The following MARCHF1 variants were observed in gnomAD, a reference collection of about 807,000 sequenced individuals.
The protein encoded by MARCHF1 is E3 ubiquitin-protein ligase MARCHF1.
Under a neutral mutation model 54.2 loss-of-function variants are expected in MARCHF1, and 40 were observed. The ratio of observed to expected loss-of-function variants is 0.74; its 90% CI spans 0.57 to 0.96. The LOEUF (loss-of-function observed/expected upper bound fraction) is 0.96, where lower values mean the gene tolerates loss of function less well. Among genes scored for constraint, MARCHF1 ranks in the 40% least tolerant of loss-of-function variants. The pLI is 0.00. For missense variants in MARCHF1, 586 were observed against 656.5 expected (o/e 0.89, Z 1.17); for synonymous variants, 236 against 236.3 (o/e 1.00, Z 0.01).
chr4:164,141,505 C>T (rs927026802), intron 1 of MARCHF1, among the ~76,000 whole-genome samples: 2 of 152,194 alleles, frequency 1.3e-5, no homozygotes, highest in Non-Finnish European at 2.9e-5. Context: ...CTAGCTATTC[C>T]TTGGTCTATC....
chr4:163,595,339 T>C (rs28785341), intron 7 of MARCHF1, among the ~76,000 whole-genome samples: 2,029 of 141,412 alleles, frequency 0.014, 41 homozygotes, highest in African/African-American at 0.05. Flanking sequence ...TGAGACCCTG[T>C]CTTCACTAAA....
At chr4:164,208,968 CTCTCTCTCTCACTT>C (rs1191002939) in intron 1 of MARCHF1, among the ~76,000 whole-genome samples, 2 of 151,422 alleles carry the variant, frequency 1.3e-5, no homozygotes, top group Non-Finnish European at 2.9e-5. Context: ...GTCTGTCTCT[CTCTCTCTCTCACTT>C]TCTCTCTCTA....
intron 1 of MARCHF1, among the ~76,000 whole-genome samples, chr4:164,128,912 G>C (rs376251251): frequency 1.3e-5 from 2 of 152,116 alleles, no homozygotes; most frequent in African/African-American, 4.8e-5. Flanking sequence ...AACACCCCAA[G>C]AGGTAGGCTC....
At chr4:163,530,381 A>G (rs1439158855) in intron 9 of MARCHF1, 1 of 152,020 alleles carries the variant, frequency 6.6e-6, no homozygotes, top group Non-Finnish European at 1.5e-5. Flanking sequence ...TCCATGAACA[A>G]ATTAATGCAA....
intron 4 of MARCHF1, among the ~76,000 whole-genome samples, chr4:163,749,162 T>A (rs1746446600): frequency 6.6e-6 from 1 of 152,148 alleles, no homozygotes; most frequent in South Asian, 2.1e-4. Context: ...ATTTTAATGC[T>A]ATTGTAAGTG....
chr4:163,670,481 G>A (rs1194009752), intron 5 of MARCHF1, among the ~76,000 whole-genome samples: 1 of 151,238 alleles, frequency 6.6e-6, no homozygotes. Context: ...TCCCTCAATT[G>A]CACTTTCATT....
intron 4 of MARCHF1, among the ~76,000 whole-genome samples, chr4:163,720,930 T>C (rs1264741060): frequency 6.6e-6 from 1 of 152,246 alleles, no homozygotes; most frequent in African/African-American, 2.4e-5. Flanking sequence ...GATTTTGGGC[T>C]GAGACGATGG....
chr4:163,607,103 G>C (rs566283569), intron 7 of MARCHF1, among the ~76,000 whole-genome samples: 2 of 152,070 alleles, frequency 1.3e-5, no homozygotes, highest in Admixed American at 6.6e-5. Context: ...GAGAGTGAGA[G>C]AACCACATTG....
intron 2 of MARCHF1, among the ~76,000 whole-genome samples, chr4:164,011,852 A>T (rs1753427614): frequency 6.6e-6 from 1 of 152,284 alleles, no homozygotes; most frequent in Non-Finnish European, 1.5e-5. Flanking sequence ...CATTGCCTAC[A>T]CCTCACCTAC....
intron 1 of MARCHF1, among the ~76,000 whole-genome samples, chr4:164,148,584 A>T (rs1366776336): frequency 6.6e-6 from 1 of 152,068 alleles, no homozygotes; most frequent in Non-Finnish European, 1.5e-5. Context: ...TGTTTGAGCC[A>T]TTGACTGAAG....
At chr4:163,833,366 T>C (rs1032250392) in intron 4 of MARCHF1, among the ~76,000 whole-genome samples, 13 of 151,960 alleles carry the variant, frequency 8.6e-5, no homozygotes, top group African/African-American at 2.9e-4. Flanking sequence ...AATTGACAAA[T>C]GGGATCTAAT....
At chr4:164,317,838 G>T (rs1341867458) in intron 1 of MARCHF1, among the ~76,000 whole-genome samples, 1 of 152,098 alleles carries the variant, frequency 6.6e-6, no homozygotes, top group Non-Finnish European at 1.5e-5. Context: ...CAGGCTGAGG[G>T]CCTACTAAAC....
chr4:164,287,467 G>C (rs1734178933), intron 1 of MARCHF1, among the ~76,000 whole-genome samples: 1 of 152,100 alleles, frequency 6.6e-6, no homozygotes, highest in African/African-American at 2.4e-5. Flanking sequence ...GGAACATCCT[G>C]ATTAGAAAGC....
chr4:164,236,974 G>A (rs938297581), intron 1 of MARCHF1, among the ~76,000 whole-genome samples: 1 of 152,146 alleles, frequency 6.6e-6, no homozygotes, highest in African/African-American at 2.4e-5. Flanking sequence ...ATCCACCTTT[G>A]CTTTCAGCAA....
At chr4:163,620,606 C>CAGAGAGAGAG (rs138054709) in intron 5 of MARCHF1, among the ~76,000 whole-genome samples, 1 of 56,868 alleles carries the variant, frequency 1.8e-5, no homozygotes, top group African/African-American at 4.7e-5. Context: ...CACACACACA[C>CAGAGAGAGAG]AGAGAGAGAG....
At chr4:163,748,176 C>T (rs34491561) in intron 4 of MARCHF1, among the ~76,000 whole-genome samples, 1 of 151,990 alleles carries the variant, frequency 6.6e-6, no homozygotes, top group Non-Finnish European at 1.5e-5. Flanking sequence ...GAACAGCTAC[C>T]TTCAGCTATT....
chr4:164,056,095 T>C (rs1754482987), intron 2 of MARCHF1, among the ~76,000 whole-genome samples: 2 of 152,190 alleles, frequency 1.3e-5, no homozygotes, highest in Admixed American at 6.5e-5. Context: ...CACACATTAA[T>C]TGGTGCTTGG....
intron 2 of MARCHF1, among the ~76,000 whole-genome samples, chr4:164,007,129 G>A (rs923410310): frequency 2.7e-5 from 4 of 148,324 alleles, no homozygotes; most frequent in South Asian, 2.1e-4. Context: ...GGCGGATCAC[G>A]AGGTCAGGAG....
intron 3 of MARCHF1, among the ~76,000 whole-genome samples, chr4:163,923,102 A>G (rs1184328956): frequency 1.3e-5 from 2 of 152,306 alleles, no homozygotes; most frequent in East Asian, 3.9e-4. Context: ...TGAAGAGCAC[A>G]CTTACGGTGA....
Sources: allele counts gnomAD v4.1 joint callset (sites outside exome capture counted in the v4.1 genomes callset), GRCh38; gene constraint gnomAD v4.1.1; transcripts MANE v1.5; gene names NCBI Gene and HGNC (gene_info 2026-07-23, HGNC 2026-07-21).